Variants in CYLD observed in about 807,000 individuals in gnomAD.
CYLD encodes CYLD lysine 63 deubiquitinase, also known as ubiquitin carboxyl-terminal hydrolase CYLD.
Under a neutral mutation model 104.5 loss-of-function variants are expected in CYLD, and 26 were observed. The ratio of observed to expected loss-of-function variants is 0.25; its 90% CI spans 0.18 to 0.35. The LOEUF (loss-of-function observed/expected upper bound fraction) is 0.35. CYLD is among the 10% of genes least tolerant of loss of function. The pLI is 1.00. For synonymous variants in CYLD, 385 were observed against 399.9 expected (o/e 0.96, Z 0.45); for missense variants, 703 against 1,136.1 (o/e 0.62, Z 5.48).
At chr16:50,768,246 A>G (rs937267908) in intron 5 of CYLD, among the ~76,000 whole-genome samples, 1 of 152,202 alleles carries the variant, frequency 6.6e-6, no homozygotes, top group Non-Finnish European at 1.5e-5. Context: ...AAAGCTTGCA[A>G]ATAGACTTTA....
chr16:50,751,831 A>G lies in CYLD; in HGVS notation c.732A>G (p.Ile244Met). 1 of 1,613,618 alleles carries G rather than the reference A, an allele frequency of 6.2e-7. No homozygotes were observed. The highest frequency in any genetic ancestry group is 8.5e-7 in the Non-Finnish European group (1 of 1,179,722). Residue 244 changes from isoleucine (I) to methionine (M), a missense_variant, in exon 4 of 19, where the codon ATA becomes ATG. Transcript: ENST00000427738. ...TTTCTTTGAAGGTTGGAGAAACAAT[A>G]GAATCTGGAACAGTTATATTCTGTG... is the stretch of plus-strand genomic sequence containing the variant. Reference protein sequence around the residue: ...SRVSLKVGETIESGTVIFCDV... With the variant: ...SRVSLKVGETMESGTVIFCDV...
At chr16:50,756,984 T>G (rs1967318904) in intron 5 of CYLD, among the ~76,000 whole-genome samples, 2 of 152,178 alleles carry the variant, frequency 1.3e-5, no homozygotes, top group South Asian at 4.1e-4. Flanking sequence ...AAAACCATAC[T>G]TCTCAGTCTC....
intron 1 of CYLD, 146 bp from the exon 2 acceptor site, chr16:50,742,616 G>A: frequency 2.6e-6 from 1 of 389,638 alleles, no homozygotes; most frequent in Non-Finnish European, 4.5e-6. Flanking sequence ...GCCACGGTTG[G>A]CCTCAGGAGC....
chr16:50,756,417 G>A (rs1468589863), intron 5 of CYLD, among the ~76,000 whole-genome samples: 1 of 152,180 alleles, frequency 6.6e-6, no homozygotes, highest in African/African-American at 2.4e-5. Context: ...GTTTTGAGAA[G>A]GTGTGATTGA....
intron 18 of CYLD, chr16:50,795,436 A>T (rs1567461158): frequency 4.7e-6 from 3 of 641,432 alleles, no homozygotes; most frequent in East Asian, 5.5e-5. Flanking sequence ...ATGTTTGTTA[A>T]AGCAGCCCTG....
chr16:50,794,460 A>G lies in CYLD; in HGVS notation c.2686+32A>G. The G allele has an allele frequency of 6.2e-7, 1 of 1,603,838 alleles. No individual in the cohort carries two copies. Among genetic ancestry groups the G allele is most frequent in the Non-Finnish European group, 8.5e-7 (1 of 1,170,860 alleles). On this transcript the variant is annotated intron_variant, in intron 18 of 18. Transcript: ENST00000427738. The surrounding 1 kb of genome is among the most constrained non-coding windows in gnomAD (Gnocchi z 4.1). ...AAAACGCCTTTCTTCTGCATGTGGC[A>G]CAGGGTTCTGGTTTGTAGTGGGACA...
chr16:50,787,034 TG>T (rs778401913), intron 13 of CYLD, 88 bp downstream of exon 13: 3 of 1,124,816 alleles, frequency 2.7e-6, no homozygotes, highest in Non-Finnish European at 4.1e-6. Flanking sequence ...TCTGTGTAGT[TG>T]GGGGGTTTTC....
At position 50,796,393 on chromosome 16, in the gene CYLD, C is replaced by G; in HGVS notation, c.2756C>G (p.Ser919Cys). 6.2e-7 allele frequency: 1 copy of G among 1,614,176 alleles called. No individual in the cohort carries two copies. The highest frequency in any genetic ancestry group is 1.1e-5 in the South Asian group (1 of 91,078). ...GAAGTAGGAGAGTACTTGAAGATGT[C>G]TCTGGAAGACCTGCATTCCTTGGAC... is the stretch of plus-strand genomic sequence containing the variant. ...CPEVGEYLKMSLEDLHSLDSR... is the reference protein window; with the variant it reads ...CPEVGEYLKMCLEDLHSLDSR... The change falls in exon 19 of 19, where the codon TCT (serine) becomes TGT (cysteine). Residue 919 changes from serine (S) to cysteine (C), a missense_variant. By Grantham distance (112) the Ser-to-Cys change is moderately radical (BLOSUM62 -1). This residue lies in a region of CYLD where 130 missense variants were observed against 220.2 expected (regional missense o/e 0.59). Coordinates refer to ENST00000427738, the MANE Select transcript of CYLD (RefSeq NM_001378743.1).
chr16:50,758,053 G>GAGAC (rs776869415), intron 5 of CYLD, among the ~76,000 whole-genome samples: 1 of 152,102 alleles, frequency 6.6e-6, no homozygotes, highest in Non-Finnish European at 1.5e-5. Context: ...CTAGTGAGTG[G>GAGAC]AGACAGACAG....
rs1186303966 is a variant in CYLD at position 50,796,963 on chromosome 16, T to C, written c.*455T>C. On this transcript the variant is annotated 3_prime_UTR_variant, in exon 19 of 19. Transcript: ENST00000427738. ...TAATTTGGTTTTATTAAGAGTCTAC[T>C]CTCAATCCAGTTATTAGAGATGTAC... 2 of 297,606 alleles carry C rather than the reference T, an allele frequency of 6.7e-6. No individual in the cohort carries two copies. The highest frequency in any genetic ancestry group is 4.6e-5 in the Admixed American group (1 of 21,550). 18.4% of individuals were successfully genotyped at this position (297,606 alleles called of 1,614,324 possible).
At chr16:50,774,815 G>A (rs6500331) in intron 5 of CYLD, among the ~76,000 whole-genome samples, 76,569 of 152,102 alleles carry the variant, frequency 0.5, 19,600 homozygotes, top group Middle Eastern at 0.53. Flanking sequence ...AACTGATACC[G>A]TGGAAGGTAA....
chr16:50,793,157 T>G (rs1469968009), intron 16 of CYLD, among the ~76,000 whole-genome samples: 1 of 151,822 alleles, frequency 6.6e-6, no homozygotes, highest in East Asian at 1.9e-4. Context: ...CATGCATATA[T>G]ACCTATGTAA....
chr16:50,786,526 G>GAGGTGCCA, intron 12 of CYLD: 1 of 260,974 alleles, frequency 3.8e-6, no homozygotes, highest in Non-Finnish European at 7.5e-6. Context: ...TTGGGAGGCC[G>GAGGTGCCA]AGGTGGGCGG....
intron 5 of CYLD, among the ~76,000 whole-genome samples, chr16:50,766,750 A>G (rs1159836522): frequency 6.6e-6 from 1 of 152,204 alleles, no homozygotes; most frequent in Non-Finnish European, 1.5e-5. Flanking sequence ...AGTGGAAAAA[A>G]TAACTGTAGA....
intron 5 of CYLD, among the ~76,000 whole-genome samples, chr16:50,764,879 T>C (rs565661942): frequency 1.1e-4 from 16 of 152,324 alleles, no homozygotes; most frequent in Non-Finnish European, 1.9e-4. Context: ...TTAGTAGAAC[T>C]GAGCTTGAGA....
At position 50,797,375 on chromosome 16, in the gene CYLD, T is replaced by C. The variant is rs1972141753; in HGVS notation, c.*867T>C. On this transcript the variant is annotated 3_prime_UTR_variant, in exon 19 of 19. Transcript: ENST00000427738. ...AAAATGAATTTGGCATATAGAATTA[T>C]TACAATTTCCTGGGAGAGATGGATA... 1 of 232,268 alleles carries C rather than the reference T, an allele frequency of 4.3e-6. No individual in the cohort carries two copies. Among genetic ancestry groups the C allele is most frequent in the African/African-American group, 2.2e-5 (1 of 45,328 alleles). The allele number at this position is 232,268 out of a possible 1,614,324, so 14.4% of individuals were successfully genotyped here.
At position 50,798,685 on chromosome 16, in the gene CYLD, G is replaced by A. The variant is rs1770770199; in HGVS notation, c.*2177G>A. 2 of 233,202 alleles carry A rather than the reference G, an allele frequency of 8.6e-6. No homozygotes were observed. The highest frequency in any genetic ancestry group is 3.6e-4 in the South Asian group (2 of 5,514). 14.4% of individuals were successfully genotyped at this position (233,202 alleles called of 1,614,324 possible). On this transcript the variant is annotated 3_prime_UTR_variant, in exon 19 of 19. Transcript: ENST00000427738. ...AAATTAAAACAAAATACAAATTGAG[G>A]AAGCTCTGCTACCCAGGCTGTCATG... is the stretch of plus-strand genomic sequence containing the variant.
intron 4 of CYLD, 119 bp downstream of exon 4, chr16:50,752,025 T>A: frequency 1.4e-5 from 4 of 287,332 alleles, no homozygotes; most frequent in Non-Finnish European, 2.3e-5. Flanking sequence ...TATGTATAGT[T>A]TATATATATA....
At chr16:50,760,860 A>G (rs1967830818) in intron 5 of CYLD, among the ~76,000 whole-genome samples, 1 of 152,172 alleles carries the variant, frequency 6.6e-6, no homozygotes, top group East Asian at 1.9e-4. Flanking sequence ...ATTGTTCTGG[A>G]TATTGTTAAT....
Sources: gnomAD v4.1 joint callset for allele counts (sites outside exome capture counted in the v4.1 genomes callset) on GRCh38, gnomAD v4.1.1 for gene constraint, gnomAD v4.1.1 regional missense constraint, Gnocchi (gnomAD v3.1) non-coding constraint, MANE v1.5 for transcripts, NCBI Gene and HGNC (gene_info 2026-07-23, HGNC 2026-07-21) for gene names.